ANKS1B: variants seen among roughly 807,000 people sequenced by gnomAD.
ANKS1B encodes ankyrin repeat and sterile alpha motif domain containing 1B.
Under a neutral mutation model 148.3 loss-of-function variants are expected in ANKS1B, and 36 were observed. The ratio of observed to expected loss-of-function variants is 0.24; its 90% CI spans 0.19 to 0.32. ANKS1B has a LOEUF of 0.32. Among genes scored for constraint, ANKS1B ranks in the 10% least tolerant of loss-of-function variants. The probability of loss-of-function intolerance (pLI) is 1.00; values close to 1 mark genes in which losing one functional copy is unlikely to be tolerated. For synonymous variants in ANKS1B, 542 were observed against 560.8 expected, an observed-to-expected ratio of 0.97 and a Z score of 0.47; for missense variants, 1,157 against 1,542.6, an observed-to-expected ratio of 0.75 and a Z score of 4.19.
At chr12:99,380,804 T>TCCCTTC (rs2093614581) in intron 12 of ANKS1B, among the ~76,000 whole-genome samples, 1 of 100,746 alleles carries the variant, frequency 9.9e-6, no homozygotes, top group African/African-American at 4.5e-5. Flanking sequence ...TTCCTTCCTT[T>TCCCTTC]CTCATGCTCC....
intron 15 of ANKS1B, among the ~76,000 whole-genome samples, chr12:99,096,488 G>A (rs1379883636): frequency 6.6e-6 from 1 of 152,128 alleles, no homozygotes; most frequent in Non-Finnish European, 1.5e-5. Context: ...GGAGATGATC[G>A]CTGTGGGCAG....
At chr12:99,640,183 ATAACT>A (rs907107355) in intron 9 of ANKS1B, among the ~76,000 whole-genome samples, 16 of 152,094 alleles carry the variant, frequency 1.1e-4, no homozygotes, top group African/African-American at 2.9e-4. Context: ...AAATAAATAA[ATAACT>A]TAATTAATTA....
At chr12:98,992,617 G>A (rs1165231934) in intron 17 of ANKS1B, among the ~76,000 whole-genome samples, 1 of 152,186 alleles carries the variant, frequency 6.6e-6, no homozygotes, top group African/African-American at 2.4e-5. Context: ...GCAGAACTGT[G>A]AGTCAATTAA....
rs906279636 is a variant in ANKS1B, at chr12:98,944,143, T to A, written c.2778+109014A>T. 1.3e-3 allele frequency among the ~76,000 whole-genome samples: 191 copies of A among 151,822 alleles called. 4 individuals are homozygous for A. The highest frequency in any genetic ancestry group is 1.9e-3 in the East Asian group (10 of 5,146). On this transcript the variant is annotated intron_variant, in intron 17 of 26. Coordinates refer to ENST00000683438, the MANE Select transcript of ANKS1B (RefSeq NM_001352186.2). The stretch of plus-strand genomic sequence containing the variant: ...GGTGAAACTCCATCTCTACTACAAA[T>A]ACAAAAACTAGCTGGGTGTGGGGGC...
chr12:99,944,673 A>T (rs1385152550), intron 1 of ANKS1B, among the ~76,000 whole-genome samples: 2 of 152,130 alleles, frequency 1.3e-5, no homozygotes, highest in African/African-American at 4.8e-5. Flanking sequence ...AAGATTCTTA[A>T]TCTATAAGGA....
chr12:98,759,253 A>G (rs2098340948), intron 25 of ANKS1B, among the ~76,000 whole-genome samples: 1 of 152,200 alleles, frequency 6.6e-6, no homozygotes, highest in African/African-American at 2.4e-5. Flanking sequence ...GCAATCATGG[A>G]TATTGAACAT....
chr12:98,965,705 G>C (rs2099877238), intron 17 of ANKS1B, among the ~76,000 whole-genome samples: 1 of 152,162 alleles, frequency 6.6e-6, no homozygotes, highest in African/African-American at 2.4e-5. Flanking sequence ...CAGAGATAGA[G>C]ACCAATGGAA....
intron 12 of ANKS1B, among the ~76,000 whole-genome samples, chr12:99,396,044 C>T (rs1407082403): frequency 3.3e-5 from 5 of 152,202 alleles, no homozygotes; most frequent in East Asian, 1.9e-4. Flanking sequence ...AAAGCTACTA[C>T]AGATTTCAAA....
chr12:99,860,584 G>A (rs1441803969), intron 1 of ANKS1B, among the ~76,000 whole-genome samples: 1 of 152,212 alleles, frequency 6.6e-6, no homozygotes, highest in Admixed American at 6.5e-5. Context: ...TGGGTTCAAA[G>A]TGTGTGAGAC....
intron 17 of ANKS1B, among the ~76,000 whole-genome samples, chr12:98,921,164 T>C (rs1235107827): frequency 6.6e-6 from 1 of 152,156 alleles, no homozygotes; most frequent in African/African-American, 2.4e-5. Flanking sequence ...CCTTCCTCCT[T>C]TCTTTTCTTC....
chr12:99,154,691 G>A (rs2075778520), intron 14 of ANKS1B: 1 of 1,437,010 alleles, frequency 7.0e-7, no homozygotes, highest in Non-Finnish European at 9.1e-7. Flanking sequence ...GGCAGCAGAA[G>A]AAGGCATATC....
intron 8 of ANKS1B, among the ~76,000 whole-genome samples, chr12:99,752,463 G>A (rs771952507): frequency 5.9e-5 from 9 of 151,874 alleles, no homozygotes; most frequent in East Asian, 1.9e-4. Flanking sequence ...TAGCTAGTAC[G>A]TAATATAGGT....
At chr12:99,168,743 A>G (rs1045863596) in intron 14 of ANKS1B, among the ~76,000 whole-genome samples, 1 of 152,148 alleles carries the variant, frequency 6.6e-6, no homozygotes, top group Non-Finnish European at 1.5e-5. Flanking sequence ...GACCTGCTCT[A>G]TATTGTAATG....
chr12:99,806,627 T>C lies in ANKS1B; in HGVS notation c.446A>G (p.Glu149Gly), dbSNP rs550488960. The change falls in exon 4 of 27, where the codon GAA (glutamate) becomes GGA (glycine). Residue 149 changes from glutamate to glycine, a missense_variant. Transcript: ENST00000683438. ...TCTAATTGTCGGGTCAGTGAGCTCT[T>C]CTAGGAGAACAGCAACTACTTCTGA... ...GHSEVVAVLLEELTDPTIRNS... is the reference protein window; with the variant it reads ...GHSEVVAVLLGELTDPTIRNS... 5.6e-6 allele frequency: 9 copies of C among 1,613,982 alleles called. No homozygotes were observed. In the South Asian group the frequency reaches 8.8e-5, roughly 16 times the overall value.
At chr12:99,196,294 T>C (rs959044852) in intron 14 of ANKS1B, among the ~76,000 whole-genome samples, 1 of 152,214 alleles carries the variant, frequency 6.6e-6, no homozygotes, top group Non-Finnish European at 1.5e-5. Flanking sequence ...AAGTTGCCAA[T>C]AATCACTGCT....
At chr12:99,078,481 A>C (rs1215126533) in intron 16 of ANKS1B, among the ~76,000 whole-genome samples, 1 of 152,186 alleles carries the variant, frequency 6.6e-6, no homozygotes, top group Non-Finnish European at 1.5e-5. Flanking sequence ...CTTCTGTATT[A>C]TCTTATATCA....
intron 25 of ANKS1B, among the ~76,000 whole-genome samples, chr12:98,758,941 AT>A (rs35016362): frequency 0.087 from 11,793 of 135,762 alleles, 542 homozygotes; most frequent in Middle Eastern, 0.2. Flanking sequence ...CGCCTGGCTA[AT>A]TTTTTTTTTT....
At chr12:99,704,239 G>A (rs1351740726) in intron 8 of ANKS1B, among the ~76,000 whole-genome samples, 2 of 152,058 alleles carry the variant, frequency 1.3e-5, no homozygotes, top group Non-Finnish European at 2.9e-5. Flanking sequence ...TAACGTGGGA[G>A]GGATAATTTG....
intron 17 of ANKS1B, among the ~76,000 whole-genome samples, chr12:99,015,730 G>T (rs779262520): frequency 2.6e-5 from 4 of 152,114 alleles, no homozygotes; most frequent in Non-Finnish European, 5.9e-5. Context: ...GCCTGGCGTG[G>T]TGGCAGGCAC....
Sources: allele counts gnomAD v4.1 joint callset (sites outside exome capture counted in the v4.1 genomes callset), GRCh38; gene constraint gnomAD v4.1.1; transcripts MANE v1.5; gene names NCBI Gene and HGNC (gene_info 2026-07-23, HGNC 2026-07-21).